The following PTPN14 variants were observed in gnomAD, a reference collection of about 807,000 sequenced individuals.
PTPN14 encodes tyrosine-protein phosphatase non-receptor type 14.
In PTPN14, 53 loss-of-function variants were observed where a neutral mutation model predicts 126.8. The observed-to-expected ratio is 0.42, with a 90% CI of 0.34 to 0.53. PTPN14 has a LOEUF of 0.53. PTPN14 is among the 20% of genes least tolerant of loss of function. The pLI is 0.08. For missense variants in PTPN14, 1,257 were observed against 1,552.9 expected, an observed-to-expected ratio of 0.81 and a Z score of 3.20; for synonymous variants, 630 against 599.3, an observed-to-expected ratio of 1.05 and a Z score of -0.75.
intron 10 of PTPN14, among the ~76,000 whole-genome samples, chr1:214,392,717 G>A (rs1351180344): frequency 6.6e-6 from 1 of 152,132 alleles, no homozygotes; most frequent in Non-Finnish European, 1.5e-5. Context: ...TGCAAACCAA[G>A]CAGGTAGGCC....
At position 214,349,977 on chromosome 1, in the gene PTPN14, A is replaced by G. The variant is rs1314779963; in HGVS notation, c.*7945T>C. 6.6e-6 allele frequency: 1 copy of G among 152,218 alleles called. No individual in the cohort carries two copies. Among genetic ancestry groups the G allele is most frequent in the Non-Finnish European group, 1.5e-5 (1 of 68,044 alleles). 9.4% of individuals were successfully genotyped at this position (152,218 alleles called of 1,614,324 possible). A position where few individuals can be genotyped will look rare whatever the true frequency, so the allele number is the denominator to read the frequency against. ...CCACCCTAGCTAAACTCAAAGCAGCATTCTTGAGATTTTAGCAAAAGGCTC... is the reference window on the plus strand; with the variant it reads ...CCACCCTAGCTAAACTCAAAGCAGCGTTCTTGAGATTTTAGCAAAAGGCTC... On this transcript the variant is annotated 3_prime_UTR_variant, in exon 19 of 19. Coordinates refer to ENST00000366956, the MANE Select transcript of PTPN14 (RefSeq NM_005401.5).
chr1:214,372,665 C>G (rs1658245456), intron 16 of PTPN14, 46 bp downstream of exon 16: 3 of 1,612,846 alleles, frequency 1.9e-6, no homozygotes, highest in Non-Finnish European at 2.5e-6. Flanking sequence ...TTCTGGCCAC[C>G]CTTTCCCCTG....
intron 1 of PTPN14, among the ~76,000 whole-genome samples, chr1:214,522,312 G>A (rs540470588): frequency 6.6e-6 from 1 of 152,264 alleles, no homozygotes; most frequent in South Asian, 2.1e-4. Context: ...AGGATCAAAA[G>A]TAGCTTCAAT....
intron 1 of PTPN14, among the ~76,000 whole-genome samples, chr1:214,505,457 G>A (rs1234628843): frequency 2.6e-5 from 4 of 152,254 alleles, no homozygotes; most frequent in African/African-American, 7.2e-5. Flanking sequence ...CCTTCGGGGG[G>A]GTGGGGTGGT....
chr1:214,432,363 A>C (rs935174934), intron 3 of PTPN14, among the ~76,000 whole-genome samples: 7 of 152,232 alleles, frequency 4.6e-5, no homozygotes, highest in Admixed American at 4.6e-4. Flanking sequence ...CCAAGTATTT[A>C]AGATTTCTCA....
At chr1:214,397,539 A>G (rs2102558130) in intron 8 of PTPN14, among the ~76,000 whole-genome samples, 1 of 152,322 alleles carries the variant, frequency 6.6e-6, no homozygotes, top group South Asian at 2.1e-4. Context: ...TTTTAAAACT[A>G]ATCACCTTTT....
chr1:214,406,519 G>C (rs1659176176), intron 5 of PTPN14, among the ~76,000 whole-genome samples: 1 of 150,526 alleles, frequency 6.6e-6, no homozygotes, highest in South Asian at 2.1e-4. Flanking sequence ...ATGCAATCTA[G>C]CAACTAAATT....
chr1:214,402,145 A>G (rs1389249271), intron 6 of PTPN14, among the ~76,000 whole-genome samples: 1 of 151,856 alleles, frequency 6.6e-6, no homozygotes, highest in African/African-American at 2.4e-5. Flanking sequence ...CATGAGGATA[A>G]TATTTTGGGA....
intron 8 of PTPN14, among the ~76,000 whole-genome samples, chr1:214,395,454 A>G (rs2102555417): frequency 6.6e-6 from 1 of 152,312 alleles, no homozygotes; most frequent in African/African-American, 2.4e-5. Flanking sequence ...CGCCTGTTGA[A>G]GCAGGAATGA....
chr1:214,490,942 A>G (rs1296841522), intron 1 of PTPN14, among the ~76,000 whole-genome samples: 7 of 110,812 alleles, frequency 6.3e-5, no homozygotes, highest in Admixed American at 6.3e-4. Context: ...AAAGAAAGAA[A>G]GAAAAGAAAG....
At chr1:214,491,939 A>G (rs1173011824) in intron 1 of PTPN14, among the ~76,000 whole-genome samples, 2 of 152,184 alleles carry the variant, frequency 1.3e-5, no homozygotes, top group Non-Finnish European at 2.9e-5. Context: ...CCCAGGTGTC[A>G]TATCTCACAA....
chr1:214,502,953 A>G (rs960604986), intron 1 of PTPN14, among the ~76,000 whole-genome samples: 3 of 152,184 alleles, frequency 2.0e-5, no homozygotes, highest in East Asian at 1.9e-4. Flanking sequence ...TTAAAAACCT[A>G]TTAGTATTGA....
chr1:214,435,204 AAAG>A (rs1248193149), intron 3 of PTPN14, among the ~76,000 whole-genome samples: 1 of 152,064 alleles, frequency 6.6e-6, no homozygotes, highest in South Asian at 2.1e-4. Flanking sequence ...GCCAGGATGA[AAAG>A]AAGTAAAATG....
chr1:214,410,413 C>A (rs145513623), intron 5 of PTPN14, among the ~76,000 whole-genome samples: 1 of 151,882 alleles, frequency 6.6e-6, no homozygotes, highest in Non-Finnish European at 1.5e-5. Context: ...CTGCCTCAGC[C>A]TCCTGAGTAG....
At chr1:214,533,614 G>A in intron 1 of PTPN14, 1 of 208,406 alleles carries the variant, frequency 4.8e-6, no homozygotes, top group South Asian at 7.5e-5. Context: ...GGCAGATCAC[G>A]AGGTCAGGAA....
At chr1:214,532,645 G>T in intron 1 of PTPN14, 1 of 873,492 alleles carries the variant, frequency 1.1e-6, no homozygotes, top group South Asian at 1.3e-5. Flanking sequence ...TCTGCAGACT[G>T]ACAATGCCCA....
intron 5 of PTPN14, among the ~76,000 whole-genome samples, chr1:214,404,430 G>C (rs1659114250): frequency 6.6e-6 from 1 of 152,312 alleles, no homozygotes; most frequent in East Asian, 1.9e-4. Context: ...GAGTAACAAA[G>C]ATATCACAAG....
At chr1:214,359,610 C>G (rs1308693776) in intron 18 of PTPN14, among the ~76,000 whole-genome samples, 2 of 152,032 alleles carry the variant, frequency 1.3e-5, no homozygotes, top group African/African-American at 4.8e-5. Context: ...ACATCAACCT[C>G]CTAGGCTCAA....
intron 2 of PTPN14, among the ~76,000 whole-genome samples, chr1:214,454,030 A>G (rs1462753688): frequency 1.3e-5 from 2 of 152,200 alleles, no homozygotes; most frequent in East Asian, 3.9e-4. Flanking sequence ...GCTCTGCATT[A>G]TACTGAATTC....
Sources: gnomAD v4.1 joint callset for allele counts (sites outside exome capture counted in the v4.1 genomes callset) on GRCh38, gnomAD v4.1.1 for gene constraint, MANE v1.5 for transcripts, NCBI Gene and HGNC (gene_info 2026-07-23, HGNC 2026-07-21) for gene names.